The following NTN1 variants were observed in gnomAD, a reference collection of about 807,000 sequenced individuals.
The protein encoded by NTN1 is netrin 1.
Under a neutral mutation model 54.2 loss-of-function variants are expected in NTN1, and 11 were observed. The observed-to-expected ratio is 0.20, with a 90% CI of 0.13 to 0.34. NTN1 has a LOEUF of 0.34. Ranked by LOEUF, NTN1 falls within the 10% of genes least tolerant of loss-of-function variation. The probability of loss-of-function intolerance (pLI) is 1.00; values close to 1 mark genes in which losing one functional copy is unlikely to be tolerated. For synonymous variants in NTN1, 371 were observed against 382.0 expected (o/e 0.97, Z 0.33); for missense variants, 740 against 893.1 (o/e 0.83, Z 2.18).
At chr17:9,162,677 T>G in intron 2 of NTN1, 136 bp from the exon 3 acceptor site, 1 of 796,426 alleles carries the variant, frequency 1.3e-6, no homozygotes, top group Non-Finnish European at 2.0e-6. Flanking sequence ...GAGGAGCTCC[T>G]GGAGCACAAG....
At chr17:9,217,188 C>T (rs1036285534) in intron 5 of NTN1, among the ~76,000 whole-genome samples, 1 of 152,184 alleles carries the variant, frequency 6.6e-6, no homozygotes, top group African/African-American at 2.4e-5. Flanking sequence ...GTTCTCTGGT[C>T]TTTGTCACTG....
At chr17:9,089,766 G>T (rs537489247) in intron 2 of NTN1, among the ~76,000 whole-genome samples, 1 of 152,278 alleles carries the variant, frequency 6.6e-6, no homozygotes, top group South Asian at 2.1e-4. Flanking sequence ...GTTCGCAGCC[G>T]CAGCCGCTTG....
chr17:9,131,659 C>T (rs764042175), intron 2 of NTN1, among the ~76,000 whole-genome samples: 1 of 151,298 alleles, frequency 6.6e-6, no homozygotes, highest in Non-Finnish European at 1.5e-5. Flanking sequence ...TAGCTCACTG[C>T]AACCTCTGCT....
chr17:9,086,693 G>A (rs1415422075), intron 2 of NTN1, among the ~76,000 whole-genome samples: 1 of 152,012 alleles, frequency 6.6e-6, no homozygotes, highest in Non-Finnish European at 1.5e-5. Context: ...TCATCATCAT[G>A]CTCACTGTCA....
At chr17:9,066,641 T>A (rs927124768) in intron 2 of NTN1, among the ~76,000 whole-genome samples, 2 of 139,748 alleles carry the variant, frequency 1.4e-5, no homozygotes, top group Non-Finnish European at 3.2e-5. Context: ...GAAAAAAAAA[T>A]TCAATAGCAG....
intron 5 of NTN1, among the ~76,000 whole-genome samples, chr17:9,204,070 G>A (rs1370697798): frequency 6.6e-6 from 1 of 152,166 alleles, no homozygotes; most frequent in Admixed American, 6.5e-5. Context: ...AGGCTCAGCT[G>A]ATGGCAGTCC....
At chr17:9,191,865 TAAA>T (rs60675960) in intron 5 of NTN1, among the ~76,000 whole-genome samples, 15,312 of 88,636 alleles carry the variant, frequency 0.17, 954 homozygotes, top group East Asian at 0.35. Context: ...TTATCGCTAC[TAAA>T]AAAAAAAAAA....
chr17:9,074,885 C>T (rs1163802125), intron 2 of NTN1, among the ~76,000 whole-genome samples: 1 of 152,214 alleles, frequency 6.6e-6, no homozygotes, highest in Non-Finnish European at 1.5e-5. Flanking sequence ...GTGTTGGGCC[C>T]ATTGGAATAC....
At chr17:9,210,641 T>C (rs1432996869) in intron 5 of NTN1, among the ~76,000 whole-genome samples, 1 of 152,074 alleles carries the variant, frequency 6.6e-6, no homozygotes, top group Non-Finnish European at 1.5e-5. Context: ...GGCCGGTCGC[T>C]CACATCTGTA....
chr17:9,064,935 TATTA>T (rs2092010129), intron 2 of NTN1, among the ~76,000 whole-genome samples: 1 of 152,168 alleles, frequency 6.6e-6, no homozygotes, highest in South Asian at 2.1e-4. Flanking sequence ...ATTTTATTTT[TATTA>T]ATTAATTTAT....
intron 2 of NTN1, among the ~76,000 whole-genome samples, chr17:9,112,272 A>G (rs1446690687): frequency 6.6e-6 from 1 of 152,248 alleles, no homozygotes; most frequent in Non-Finnish European, 1.5e-5. Context: ...CATTTCTACA[A>G]TTATGGAATC....
rs1399044462 is a variant in NTN1 at position 9,212,805 on chromosome 17, G to A, written c.1412-8363G>A. On this transcript the variant is annotated intron_variant, in intron 5 of 6. Coordinates refer to ENST00000173229, the MANE Select transcript of NTN1 (RefSeq NM_004822.3). The surrounding 1 kb of genome is among the most constrained non-coding windows in gnomAD (Gnocchi z 5.5). ...AGAGCGGCAGAGGTGTTGCGAGCGA[G>A]TGGGCCAGGGCTGCTGAGAGCGAGA... Among the ~76,000 whole-genome samples, 1 of 152,248 alleles carries A rather than the reference G, an allele frequency of 6.6e-6. No individual in the cohort carries two copies. Among genetic ancestry groups the A allele is most frequent in the African/African-American group, 2.4e-5 (1 of 41,462 alleles).
chr17:9,017,143 T>C (rs1185513550), upstream of NTN1, among the ~76,000 whole-genome samples: 1 of 152,180 alleles, frequency 6.6e-6, no homozygotes, highest in Non-Finnish European at 1.5e-5. Flanking sequence ...CATTTAGGCA[T>C]GGTCAAATAG....
intron 2 of NTN1, among the ~76,000 whole-genome samples, chr17:9,126,086 G>A (rs2092246209): frequency 6.6e-6 from 1 of 152,226 alleles, no homozygotes; most frequent in African/African-American, 2.4e-5. Context: ...AACGACGCAT[G>A]GGGTGGAGAC....
At position 9,078,729 on chromosome 17, in the gene NTN1, A is replaced by G. The variant is rs78995801; in HGVS notation, c.1018+55338A>G. ...TGTGGGCTTCTGGGATAGAGAAACC[A>G]TCCCTGGAATGTCCCCAAGGAAAAC... On this transcript the variant is annotated intron_variant, in intron 2 of 6. Transcript: ENST00000173229. 7.6e-3 allele frequency among the ~76,000 whole-genome samples: 1,160 copies of G among 152,324 alleles called. 16 individuals carry two copies. The highest frequency in any genetic ancestry group is 0.027 in the African/African-American group (1,115 of 41,584).
intron 2 of NTN1, among the ~76,000 whole-genome samples, chr17:9,094,386 T>C (rs79917201): frequency 0.089 from 13,586 of 152,174 alleles, 714 homozygotes; most frequent in Non-Finnish European, 0.11. Context: ...AGTCTTAGAA[T>C]CACATTTGGT....
chr17:9,087,317 G>C (rs1159840344), intron 2 of NTN1, among the ~76,000 whole-genome samples: 2 of 152,102 alleles, frequency 1.3e-5, no homozygotes, highest in East Asian at 3.9e-4. Flanking sequence ...GGGGGCATTC[G>C]AGACCCAAAG....
intron 2 of NTN1, among the ~76,000 whole-genome samples, chr17:9,120,192 G>A (rs1169467297): frequency 2.0e-5 from 3 of 151,842 alleles, no homozygotes; most frequent in Non-Finnish European, 4.4e-5. Flanking sequence ...GGCTAAGGCA[G>A]GAGAATGGCA....
chr17:9,113,640 A>G (rs2092199847), intron 2 of NTN1, among the ~76,000 whole-genome samples: 1 of 152,154 alleles, frequency 6.6e-6, no homozygotes, highest in Non-Finnish European at 1.5e-5. Flanking sequence ...TTTGCTCAGG[A>G]GAGGACAGTC....
Sources: gnomAD v4.1 joint callset for allele counts (sites outside exome capture counted in the v4.1 genomes callset) on GRCh38, gnomAD v4.1.1 for gene constraint, Gnocchi (gnomAD v3.1) non-coding constraint, MANE v1.5 for transcripts, NCBI Gene and HGNC (gene_info 2026-07-23, HGNC 2026-07-21) for gene names.